AP2A2: variants seen among roughly 807,000 people sequenced by gnomAD.
AP2A2 encodes adaptor related protein complex 2 subunit alpha 2, also known as AP-2 complex subunit alpha-2.
Under a neutral mutation model 104.2 loss-of-function variants are expected in AP2A2, and 32 were observed. The ratio of observed to expected loss-of-function variants is 0.31; its 90% confidence interval spans 0.23 to 0.41. The LOEUF (loss-of-function observed/expected upper bound fraction) is 0.41. Ranked by LOEUF, AP2A2 falls within the 10% of genes least tolerant of loss-of-function variation. The pLI is 1.00. For missense variants in AP2A2, 912 were observed against 1,261.0 expected (o/e 0.72, Z 4.19); for synonymous variants, 539 against 533.3 (o/e 1.01, Z -0.15).
At chr11:995,297 A>T (rs1378792096) in intron 14 of AP2A2, 2 of 455,768 alleles carry the variant, frequency 4.4e-6, no homozygotes, top group Non-Finnish European at 8.8e-6. Context: ...TGATGCGATG[A>T]GAATAATCCT....
chr11:961,812 G>T lies in AP2A2; in HGVS notation c.136+2307G>T, dbSNP rs7948025. On this transcript the variant is annotated intron_variant, in intron 2 of 21. Coordinates refer to ENST00000448903, the MANE Select transcript of AP2A2 (RefSeq NM_012305.4). Reference sequence around the variant, plus strand: ...GTGGGTCTGACAGAGTCGCCGCCACGAGTGAAAAGTAAAGGGCGGAAGCAG... The same window carrying T: ...GTGGGTCTGACAGAGTCGCCGCCACTAGTGAAAAGTAAAGGGCGGAAGCAG... 2.3e-5 allele frequency among the ~76,000 whole-genome samples: 3 copies of T among 130,922 alleles called. No individual in the cohort carries two copies. The South Asian group carries it at 7.5e-4, about 33-fold the overall frequency. 85.9% of individuals were successfully genotyped at this position (130,922 alleles called of 152,430 possible).
Position 992,494 on chromosome 11 carries a change from C to A in AP2A2, c.1270-9C>A. 1.3e-6 allele frequency: 2 copies of A among 1,576,626 alleles called. No individual in the cohort carries two copies. Among genetic ancestry groups the A allele is most frequent in the Non-Finnish European group, 8.6e-7 (1 of 1,161,208 alleles). On this transcript the variant is annotated splice_polypyrimidine_tract_variant and intron_variant, in intron 10 of 21. Transcript: ENST00000448903. The surrounding 1 kb of genome is among the most constrained non-coding windows in gnomAD (Gnocchi z 6.4). ...CAGGTGCCGGCCCTCAGCAGCCTGTCCCCCACAGGTGCTGAAGGTCGCCAT... is the reference window on the plus strand; with the variant it reads ...CAGGTGCCGGCCCTCAGCAGCCTGTACCCCACAGGTGCTGAAGGTCGCCAT...
chr11:1,008,686 A>G, intron 18 of AP2A2: 1 of 230,836 alleles, frequency 4.3e-6, no homozygotes, highest in South Asian at 1.0e-4. Context: ...ATGTTGAGAA[A>G]AGCACACTTT....
chr11:1,008,645 C>T (rs557001113), intron 18 of AP2A2: 23 of 212,966 alleles, frequency 1.1e-4, no homozygotes, highest in African/African-American at 4.9e-4. Flanking sequence ...ACAGTCAGCC[C>T]GTCCCCTGCT....
Position 988,566 on chromosome 11 carries a change from G to C in AP2A2, c.1146G>C (p.Val382=), listed in dbSNP as rs756614085. The C allele has an allele frequency of 5.0e-6, 8 of 1,611,806 alleles. No individual in the cohort carries two copies. The highest frequency in any genetic ancestry group is 6.8e-6 in the Non-Finnish European group (8 of 1,179,872). ...TTGTTCCCCAGACTGAGCGGGACGTGAGCGTGCGGCAGCGGGCCGTGGACC... is the reference window on the plus strand; with the variant it reads ...TTGTTCCCCAGACTGAGCGGGACGTCAGCGTGCGGCAGCGGGCCGTGGACC... ...VINALKTERD[V]SVRQRAVDLL... Residue 382 remains valine, a synonymous_variant, in exon 10 of 22, where the codon GTG becomes GTC. Coordinates refer to ENST00000448903, the MANE Select transcript of AP2A2 (RefSeq NM_012305.4).
At chr11:937,438 A>G (rs1018503101) in intron 1 of AP2A2, among the ~76,000 whole-genome samples, 3 of 152,092 alleles carry the variant, frequency 2.0e-5, no homozygotes, top group African/African-American at 7.2e-5. Context: ...TTTGAACAGT[A>G]TCTTTTAAAA....
intron 1 of AP2A2, chr11:956,800 A>C (rs1225526888): frequency 6.6e-6 from 1 of 152,186 alleles, no homozygotes; most frequent in Non-Finnish European, 1.5e-5. Context: ...CCCACATTTC[A>C]TGGGTGTGAG....
chr11:1,006,880 T>C, intron 17 of AP2A2: 1 of 454,726 alleles, frequency 2.2e-6, no homozygotes, highest in South Asian at 3.0e-5. Context: ...ATCTGGCCAG[T>C]GTGAGTCCCT....
chr11:1,002,131 CCTCT>C (rs1318388144), intron 15 of AP2A2, among the ~76,000 whole-genome samples: 1 of 152,248 alleles, frequency 6.6e-6, no homozygotes, highest in African/African-American at 2.4e-5. Context: ...ACCACAAGGG[CCTCT>C]CTGTCACGTC....
rs190502269 is a variant in AP2A2 at position 989,320 on chromosome 11, C to T, written c.1269+631C>T. On this transcript the variant is annotated intron_variant, in intron 10 of 21. Transcript: ENST00000448903. ...TGCACTCCAGCCTGAGCAACAAGAG[C>T]GAAACTCTGTCTCAAAAAAAAAAAA... Among the ~76,000 whole-genome samples the T allele has an allele frequency of 3.6e-4, 54 of 151,414 alleles. No homozygotes were observed. In the East Asian group the frequency reaches 8.7e-3, roughly 24 times the overall value.
In AP2A2 at chr11:993,881, G is replaced by A. The variant is rs769721571; in HGVS notation, c.1678G>A (p.Asp560Asn). The change falls in exon 13 of 22, where the codon GAC (aspartate) becomes AAC (asparagine). Residue 560 changes from aspartate to asparagine, a missense_variant. Asp to Asn is a conservative substitution (Grantham distance 23). Around this residue, in one of 7 missense-constraint regions of AP2A2, gnomAD observed 137 missense variants for 186.9 expected, o/e 0.73. Coordinates refer to ENST00000448903, the MANE Select transcript of AP2A2 (RefSeq NM_012305.4). This position sits in a 1 kb window ranked among gnomAD's most constrained non-coding sequence, Gnocchi z 8.2. Reference sequence around the variant, plus strand: ...CCCGGAGGTGAAGCCCACCATCCAGGACGTGCTGCGCAGCGACAGCCAGCT... The same window carrying A: ...CCCGGAGGTGAAGCCCACCATCCAGAACGTGCTGCGCAGCGACAGCCAGCT... ...LFPEVKPTIQ[D>N]VLRSDSQLRN... The A allele has an allele frequency of 6.2e-7, 1 of 1,610,490 alleles. No homozygotes were observed. The highest frequency in any genetic ancestry group is 8.5e-7 in the Non-Finnish European group (1 of 1,179,708).
intron 15 of AP2A2, among the ~76,000 whole-genome samples, chr11:1,002,169 C>T (rs1179568193): frequency 6.6e-6 from 1 of 152,262 alleles, no homozygotes; most frequent in Admixed American, 6.5e-5. Context: ...CAGAGCCCCT[C>T]CCGTGTTCTT....
At chr11:977,261 A>G (rs1171588443) in intron 5 of AP2A2, 37 bp downstream of exon 5, 6 of 1,548,866 alleles carry the variant, frequency 3.9e-6, no homozygotes, top group Non-Finnish European at 5.2e-6. Flanking sequence ...CCGCTCCCCC[A>G]GGTGACCTTT....
At chr11:982,754 G>A (rs1855293282) in intron 6 of AP2A2, among the ~76,000 whole-genome samples, 2 of 150,886 alleles carry the variant, frequency 1.3e-5, no homozygotes, top group African/African-American at 4.9e-5. Flanking sequence ...AGGTTCAAGC[G>A]GTTCTCCTGC....
chr11:994,221 T>C lies in AP2A2; in HGVS notation c.1932T>C (p.Pro644=). 1 of 1,612,834 alleles carries C rather than the reference T, an allele frequency of 6.2e-7. No individual in the cohort carries two copies. Among genetic ancestry groups the C allele is most frequent in the Non-Finnish European group, 8.5e-7 (1 of 1,179,822 alleles). The change falls in exon 14 of 22, where the codon CCT becomes CCC. Residue 644 remains proline, a synonymous_variant. Coordinates refer to ENST00000448903, the MANE Select transcript of AP2A2 (RefSeq NM_012305.4). ...RSVDVNGGPE[P]APASTSAVST... ...TGGACGTGAACGGGGGTCCTGAGCC[T>C]GCCCCAGCCAGTACCAGCGCCGTGG...
chr11:1,009,611 A>G, intron 20 of AP2A2, 72 bp from the exon 21 acceptor site: 1 of 1,175,222 alleles, frequency 8.5e-7, no homozygotes, highest in Non-Finnish European at 1.2e-6. Context: ...CAGGGTCTGG[A>G]GGGGCGGCCC....
Position 993,257 on chromosome 11 carries a change from C to A in AP2A2, c.1453-27C>A. ...CCTTAACTCTGGCACCTGGCTGCCACCCCGGCTCATTGTTTGTGCTTCGCA... is the reference window on the plus strand; with the variant it reads ...CCTTAACTCTGGCACCTGGCTGCCAACCCGGCTCATTGTTTGTGCTTCGCA... On this transcript the variant is annotated intron_variant, in intron 11 of 21. Coordinates refer to ENST00000448903, the MANE Select transcript of AP2A2 (RefSeq NM_012305.4). The surrounding 1 kb of genome is among the most constrained non-coding windows in gnomAD (Gnocchi z 8.2). 6.3e-7 allele frequency: 1 copy of A among 1,583,856 alleles called. No homozygotes were observed.
intron 1 of AP2A2, among the ~76,000 whole-genome samples, chr11:929,216 C>T (rs1286121640): frequency 6.6e-6 from 1 of 152,160 alleles, no homozygotes; most frequent in Non-Finnish European, 1.5e-5. Context: ...GCAGAGGGGT[C>T]CCCGCTTCCC....
In AP2A2 at chr11:1,011,345, C is replaced by T. The variant is rs887348518; in HGVS notation, c.*720C>T. On this transcript the variant is annotated 3_prime_UTR_variant, in exon 22 of 22. Coordinates refer to ENST00000448903, the MANE Select transcript of AP2A2 (RefSeq NM_012305.4). ...TGCCGGCCCCGCAGGGCCCCCAGGA[C>T]TCCAGGGTAAAGTGTGGGCCGGTGG... 1.9e-6 allele frequency: 1 copy of T among 518,640 alleles called. No individual in the cohort carries two copies. The highest frequency in any genetic ancestry group is 3.8e-6 in the Non-Finnish European group (1 of 259,796). The allele number at this position is 518,640 out of a possible 1,614,324, so 32.1% of individuals were successfully genotyped here. A position where few individuals can be genotyped will look rare whatever the true frequency, so the allele number is the denominator to read the frequency against.
Sources: allele counts gnomAD v4.1 joint callset (sites outside exome capture counted in the v4.1 genomes callset), GRCh38; gene constraint gnomAD v4.1.1; regional missense constraint gnomAD v4.1.1; non-coding constraint Gnocchi (gnomAD v3.1); transcripts MANE v1.5; gene names NCBI Gene and HGNC (gene_info 2026-07-23, HGNC 2026-07-21).